The following ADAM10 variants were observed in gnomAD, a reference collection of about 807,000 sequenced individuals.
ADAM10 encodes disintegrin and metalloproteinase domain-containing protein 10.
A neutral mutation model predicts 90.1 loss-of-function variants in ADAM10; 17 were observed. That is an observed-to-expected ratio of 0.19 (90% CI 0.13 to 0.28). ADAM10 has a LOEUF of 0.28. ADAM10 is among the 10% of genes least tolerant of loss of function. The probability of loss-of-function intolerance (pLI) is 1.00; values close to 1 mark genes in which losing one functional copy is unlikely to be tolerated. For missense variants in ADAM10, 610 were observed against 914.3 expected (o/e 0.67, Z 4.29); for synonymous variants, 310 against 298.6 (o/e 1.04, Z -0.40).
intron 9 of ADAM10, among the ~76,000 whole-genome samples, chr15:58,631,764 A>G (rs1183375280): frequency 2.0e-5 from 3 of 152,188 alleles, no homozygotes; most frequent in Admixed American, 2.0e-4. Flanking sequence ...ATGCAAATCA[A>G]CTATGAACAA....
chr15:58,693,001 TC>T, intron 2 of ADAM10: 2 of 782,116 alleles, frequency 2.6e-6, no homozygotes, highest in Non-Finnish European at 4.6e-6. Flanking sequence ...TTTACCACCG[TC>T]CAACTTGGAA....
At position 58,595,577 on chromosome 15, in the gene ADAM10, T is replaced by C. The variant is rs1212949472; in HGVS notation, c.*1970A>G. The C allele has an allele frequency of 2.0e-5, 3 of 152,176 alleles. No individual in the cohort carries two copies. The highest frequency in any genetic ancestry group is 2.9e-5 in the Non-Finnish European group (2 of 67,998). 9.4% of individuals were successfully genotyped at this position (152,176 alleles called of 1,614,324 possible). ...TAGATCTCATTTGTCTTGATCCTTTTATATTACCACATCTTGATTCGCAGT... is the reference window on the plus strand; with the variant it reads ...TAGATCTCATTTGTCTTGATCCTTTCATATTACCACATCTTGATTCGCAGT... On this transcript the variant is annotated 3_prime_UTR_variant, in exon 16 of 16. Transcript: ENST00000260408.
At chr15:58,638,282 C>A (rs1440600731) in intron 8 of ADAM10, among the ~76,000 whole-genome samples, 1 of 152,066 alleles carries the variant, frequency 6.6e-6, no homozygotes, top group East Asian at 1.9e-4. Context: ...CAACGGGAGT[C>A]TTCGTTTTCT....
intron 4 of ADAM10, among the ~76,000 whole-genome samples, chr15:58,675,975 T>C (rs1484254091): frequency 1.3e-5 from 2 of 152,194 alleles, no homozygotes; most frequent in Non-Finnish European, 2.9e-5. Flanking sequence ...GTACTTTACT[T>C]CTGAAAATAA....
At chr15:58,611,440 G>A in intron 12 of ADAM10, 1 of 327,434 alleles carries the variant, frequency 3.1e-6, no homozygotes, top group South Asian at 3.9e-5. Flanking sequence ...TTTTTTTCCT[G>A]TAGAGCAAAG....
At chr15:58,646,430 C>T (rs1253847092) in intron 5 of ADAM10, among the ~76,000 whole-genome samples, 1 of 152,158 alleles carries the variant, frequency 6.6e-6, no homozygotes, top group Non-Finnish European at 1.5e-5. Context: ...ATTTTCAAAA[C>T]ATGTATTTTA....
In ADAM10 at chr15:58,749,548, TGCCGCC is replaced by T. The variant is rs750697632; in HGVS notation, c.-20_-15del. 9 of 1,550,932 alleles carry T rather than the reference TGCCGCC, an allele frequency of 5.8e-6. No homozygotes were observed. The African/African-American group carries it at 8.2e-5, about 14-fold the overall frequency. ...CAGCAACACCATCTTCCGCTGCCGC[TGCCGCC>T]GCCGCCGCCTCCTCACGGGTTAACA... On this transcript the variant is annotated 5_prime_UTR_variant, in exon 1 of 16. Transcript: ENST00000260408.
At chr15:58,738,405 C>T (rs1899499385) in intron 1 of ADAM10, among the ~76,000 whole-genome samples, 2 of 152,186 alleles carry the variant, frequency 1.3e-5, no homozygotes, top group Admixed American at 6.5e-5. Flanking sequence ...GCCTTTAATG[C>T]ACTCTTTGAA....
At chr15:58,715,004 C>T (rs1898608238) in intron 2 of ADAM10, among the ~76,000 whole-genome samples, 1 of 151,980 alleles carries the variant, frequency 6.6e-6, no homozygotes, top group Non-Finnish European at 1.5e-5. Flanking sequence ...CGGTTTAGGG[C>T]AGAAATTCTG....
chr15:58,678,707 C>G (rs1367898604), intron 4 of ADAM10, among the ~76,000 whole-genome samples: 1 of 152,108 alleles, frequency 6.6e-6, no homozygotes, highest in Non-Finnish European at 1.5e-5. Context: ...TTAAAAATTA[C>G]AAAAATACCT....
At position 58,595,064 on chromosome 15, in the gene ADAM10, T is replaced by C. The variant is rs2140982385; in HGVS notation, c.*2483A>G. 1 of 152,220 alleles carries C rather than the reference T, an allele frequency of 6.6e-6. No individual in the cohort carries two copies. The highest frequency in any genetic ancestry group is 2.1e-4 in the South Asian group (1 of 4,830). 9.4% of individuals were successfully genotyped at this position (152,220 alleles called of 1,614,324 possible). ...AAACTTATCATTAAACTAGGCTTTT[T>C]AAAATAAATGAGGTACTTAGCATTC... On this transcript the variant is annotated 3_prime_UTR_variant, in exon 16 of 16. Transcript: ENST00000260408.
At chr15:58,726,787 C>T (rs988363312) in intron 1 of ADAM10, among the ~76,000 whole-genome samples, 1 of 151,212 alleles carries the variant, frequency 6.6e-6, no homozygotes, top group Non-Finnish European at 1.5e-5. Context: ...ACTGCTTGAG[C>T]CCAAGTTTGG....
chr15:58,725,944 G>A (rs1899013898), intron 1 of ADAM10, among the ~76,000 whole-genome samples: 1 of 152,008 alleles, frequency 6.6e-6, no homozygotes, highest in Non-Finnish European at 1.5e-5. Flanking sequence ...CAGATAGAAG[G>A]AATAATACCA....
chr15:58,608,704 T>C (rs1292547819), intron 14 of ADAM10, among the ~76,000 whole-genome samples: 1 of 152,124 alleles, frequency 6.6e-6, no homozygotes, highest in Admixed American at 6.5e-5. Context: ...AATCCTCACA[T>C]CTAAAATATG....
intron 2 of ADAM10, among the ~76,000 whole-genome samples, chr15:58,694,220 C>T (rs1395792146): frequency 6.6e-6 from 1 of 152,166 alleles, no homozygotes; most frequent in African/African-American, 2.4e-5. Context: ...GAGGCCGAGA[C>T]AGGCAGATCA....
chr15:58,685,965 T>C (rs1247376634), intron 2 of ADAM10, among the ~76,000 whole-genome samples: 1 of 152,152 alleles, frequency 6.6e-6, no homozygotes, highest in Non-Finnish European at 1.5e-5. Context: ...TGGACTTGCC[T>C]ACCCACCTCA....
intron 4 of ADAM10, among the ~76,000 whole-genome samples, chr15:58,670,453 T>C (rs1338446801): frequency 6.6e-6 from 1 of 152,136 alleles, no homozygotes; most frequent in Admixed American, 6.5e-5. Flanking sequence ...ATGTTACCTG[T>C]TGCAATTTTT....
rs139993855 is a variant in ADAM10, at chr15:58,597,117, C to G, written c.*430G>C. 4.9e-5 allele frequency: 19 copies of G among 389,610 alleles called. No individual in the cohort carries two copies. Among genetic ancestry groups the G allele is most frequent in the Non-Finnish European group, 8.1e-5 (17 of 210,374 alleles). The allele number at this position is 389,610 out of a possible 1,614,324, so 24.1% of individuals were successfully genotyped here. ...GCATATAACAAGGTATGTACATTGG[C>G]AAGTGATGTCTCCAATGTTGAGGTG... On this transcript the variant is annotated 3_prime_UTR_variant, in exon 16 of 16. Transcript: ENST00000260408.
chr15:58,689,952 CA>C lies in ADAM10; in HGVS notation c.207-7639del, dbSNP rs1555418399. ...TCCAAAACCAAAGACAGACCCCCCCCAAAAAAAAAAAAAAAAGACTGATATT... is the reference window on the plus strand; with the variant it reads ...TCCAAAACCAAAGACAGACCCCCCCCAAAAAAAAAAAAAAAGACTGATATT... On this transcript the variant is annotated intron_variant, in intron 2 of 15. Transcript: ENST00000260408. Among the ~76,000 whole-genome samples the C allele has an allele frequency of 4.1e-3, 451 of 108,928 alleles. 12 individuals carry two copies. Among genetic ancestry groups the C allele is most frequent in the African/African-American group, 8.9e-3 (273 of 30,508 alleles). The allele number at this position is 108,928 out of a possible 152,430, so 71.5% of individuals were successfully genotyped here.
Sources: gnomAD v4.1 joint callset for allele counts (sites outside exome capture counted in the v4.1 genomes callset) on GRCh38, gnomAD v4.1.1 for gene constraint, MANE v1.5 for transcripts, NCBI Gene and HGNC (gene_info 2026-07-23, HGNC 2026-07-21) for gene names.